The following MEIOB variants were observed in gnomAD, a reference collection of about 807,000 sequenced individuals.
MEIOB encodes the protein meiosis-specific with OB domain-containing protein.
Under a neutral mutation model 53.1 loss-of-function variants are expected in MEIOB, and 50 were observed. The ratio of observed to expected loss-of-function variants is 0.94; its 90% CI spans 0.75 to 1.19. The LOEUF is 1.19. Among genes scored for constraint, MEIOB ranks in the 50% most tolerant of loss-of-function variants. The pLI is 0.00. For missense variants in MEIOB, 551 were observed against 550.8 expected, an observed-to-expected ratio of 1.00 and a Z score of 0.00; for synonymous variants, 192 against 182.5, an observed-to-expected ratio of 1.05 and a Z score of -0.42.
chr16:1,851,434 G>A (rs906799988), intron 9 of MEIOB, among the ~76,000 whole-genome samples: 8 of 152,016 alleles, frequency 5.3e-5, no homozygotes, highest in African/African-American at 9.7e-5. Flanking sequence ...CATAATTCAC[G>A]GACATATTAT....
chr16:1,840,532 ATCTC>A (rs201626875), intron 11 of MEIOB, among the ~76,000 whole-genome samples: 1,310 of 128,970 alleles, frequency 0.01, 18 homozygotes, highest in African/African-American at 0.037. Context: ...GCCACAAGGG[ATCTC>A]TCTTATTATT....
At position 1,841,779 on chromosome 16, in the gene MEIOB, C is replaced by G. The variant is rs745906385; in HGVS notation, c.1034+41G>C. ...TAAAATTTATTAACAATAATTATTT[C>G]TTACAAAAATGAATTTGCTAAAAGT... On this transcript the variant is annotated intron_variant, in intron 11 of 13. Transcript: ENST00000325962. 4.3e-5 allele frequency: 60 copies of G among 1,405,924 alleles called. No homozygotes were observed. In the South Asian group the frequency reaches 5.9e-4, roughly 14 times the overall value. 87.1% of individuals were successfully genotyped at this position (1,405,924 alleles called of 1,614,324 possible). A position where few individuals can be genotyped will look rare whatever the true frequency, so the allele number is the denominator to read the frequency against.
At position 1,837,874 on chromosome 16, in the gene MEIOB, G is replaced by T; in HGVS notation, c.1219-4C>A. 2.0e-6 allele frequency: 3 copies of T among 1,491,092 alleles called. No individual in the cohort carries two copies. Among genetic ancestry groups the T allele is most frequent in the South Asian group, 1.3e-5 (1 of 75,590 alleles). 92.4% of individuals were successfully genotyped at this position (1,491,092 alleles called of 1,614,324 possible). ...TCATTGCAAGAAACTCATGTACCTG[G>T]TTAAAAAAAAAATATGAGACAAATA... On this transcript the variant is annotated splice_region_variant and splice_polypyrimidine_tract_variant and intron_variant, in intron 12 of 13. Transcript: ENST00000325962.
Position 1,865,845 on chromosome 16 carries a change from A to C in MEIOB, c.70-10T>G, listed in dbSNP as rs923045138. The stretch of plus-strand genomic sequence containing the variant: ...CTATACCGATAACTTTCTGAAAAAC[A>C]AAAAGGTCACAGAAGACCAATATTA... On this transcript the variant is annotated splice_polypyrimidine_tract_variant and intron_variant, in intron 2 of 13. Transcript: ENST00000325962. 16 of 1,539,152 alleles carry C rather than the reference A, an allele frequency of 1.0e-5. No homozygotes were observed. The highest frequency in any genetic ancestry group is 4.1e-5 in the African/African-American group (3 of 72,624).
chr16:1,837,270 C>T (rs1057275298), intron 13 of MEIOB, among the ~76,000 whole-genome samples: 1 of 151,982 alleles, frequency 6.6e-6, no homozygotes, highest in African/African-American at 2.4e-5. Flanking sequence ...AATCTGTCTC[C>T]CCGCAACAAC....
chr16:1,853,605 C>T (rs1899224847), intron 7 of MEIOB, among the ~76,000 whole-genome samples: 1 of 152,206 alleles, frequency 6.6e-6, no homozygotes, highest in African/African-American at 2.4e-5. Flanking sequence ...AGGTGAGTGT[C>T]CCCCAGTGGA....
intron 3 of MEIOB, among the ~76,000 whole-genome samples, chr16:1,862,907 AAAAT>A (rs1179801859): frequency 6.6e-6 from 1 of 151,938 alleles, no homozygotes; most frequent in African/African-American, 2.4e-5. Flanking sequence ...TCTTGTCTCA[AAAAT>A]AAATAAATAA....
At chr16:1,835,522 A>G (rs1898720429) in intron 13 of MEIOB, among the ~76,000 whole-genome samples, 1 of 152,200 alleles carries the variant, frequency 6.6e-6, no homozygotes, top group Admixed American at 6.5e-5. Context: ...AAGTACCAAC[A>G]TCAGGGAAAA....
chr16:1,855,661 G>A (rs1221933761), intron 6 of MEIOB, among the ~76,000 whole-genome samples: 1 of 152,166 alleles, frequency 6.6e-6, no homozygotes, highest in Non-Finnish European at 1.5e-5. Context: ...AGAATTTGGG[G>A]AAATCGCAAA....
At chr16:1,846,278 T>C (rs1432581226) in intron 9 of MEIOB, among the ~76,000 whole-genome samples, 1 of 152,156 alleles carries the variant, frequency 6.6e-6, no homozygotes, top group African/African-American at 2.4e-5. Context: ...GAGCTTCCTG[T>C]GATGGGGGCT....
intron 10 of MEIOB, among the ~76,000 whole-genome samples, chr16:1,843,946 A>T (rs539925078): frequency 6.6e-6 from 1 of 151,988 alleles, no homozygotes; most frequent in East Asian, 1.9e-4. Context: ...TCTTTTGTTG[A>T]TGTCTAGTGC....
At chr16:1,842,008 TA>T (rs1468290233) in intron 10 of MEIOB, 35 bp from the exon 11 acceptor site, 7 of 1,374,958 alleles carry the variant, frequency 5.1e-6, no homozygotes, top group Non-Finnish European at 5.8e-6. Flanking sequence ...GTTCTGTATA[TA>T]TTCTAAAAAA....
intron 2 of MEIOB, among the ~76,000 whole-genome samples, chr16:1,866,907 C>T (rs1469105914): frequency 6.6e-6 from 1 of 152,052 alleles, no homozygotes; most frequent in African/African-American, 2.4e-5. Context: ...AGCTTTATTG[C>T]TTATTTAGAC....
At chr16:1,859,483 G>A (rs413308) in intron 5 of MEIOB, among the ~76,000 whole-genome samples, 102,672 of 152,002 alleles carry the variant, frequency 0.68, 34,909 homozygotes, top group Middle Eastern at 0.79. Flanking sequence ...AGAGGTTACA[G>A]TGAGCCGAGA....
chr16:1,868,604 C>G (rs990699591), intron 1 of MEIOB, among the ~76,000 whole-genome samples: 5 of 151,556 alleles, frequency 3.3e-5, no homozygotes, highest in African/African-American at 1.2e-4. Context: ...GCCTATTATC[C>G]CAGCACTTTT....
intron 9 of MEIOB, among the ~76,000 whole-genome samples, chr16:1,845,911 T>C (rs986476464): frequency 4.6e-5 from 7 of 152,142 alleles, no homozygotes; most frequent in Admixed American, 2.6e-4. Flanking sequence ...GTCCTGACAA[T>C]GTCTGTACTT....
intron 5 of MEIOB, among the ~76,000 whole-genome samples, chr16:1,859,114 G>A (rs1899379988): frequency 1.3e-5 from 2 of 152,174 alleles, no homozygotes; most frequent in Non-Finnish European, 2.9e-5. Flanking sequence ...CCCAGTAATT[G>A]ACCATTAGCG....
chr16:1,865,481 ACG>A (rs1567281922), intron 3 of MEIOB, among the ~76,000 whole-genome samples: 1 of 5,372 alleles, frequency 1.9e-4, no homozygotes, highest in Non-Finnish European at 5.3e-4. Flanking sequence ...ATATACACAC[ACG>A]TGTACACACA....
chr16:1,859,975 G>A (rs866368834), intron 5 of MEIOB, among the ~76,000 whole-genome samples: 9 of 152,134 alleles, frequency 5.9e-5, no homozygotes, highest in South Asian at 2.1e-4. Flanking sequence ...GTCTATCCTC[G>A]CAGGGTTCCC....
Sources: allele counts gnomAD v4.1 joint callset (sites outside exome capture counted in the v4.1 genomes callset), GRCh38; gene constraint gnomAD v4.1.1; transcripts MANE v1.5; gene names NCBI Gene and HGNC (gene_info 2026-07-23, HGNC 2026-07-21).